KCNQ5: variants seen among roughly 807,000 people sequenced by gnomAD.
The protein encoded by KCNQ5 is potassium voltage-gated channel subfamily Q member 5, also known as potassium voltage-gated channel subfamily KQT member 5.
KCNQ5 carries 30 observed loss-of-function variants against 98.2 expected under a neutral mutation model. That is an observed-to-expected ratio of 0.31 (90% CI 0.23 to 0.41). The LOEUF is 0.41. Ranked by LOEUF, KCNQ5 falls within the 10% of genes least tolerant of loss-of-function variation. The probability of loss-of-function intolerance (pLI) is 1.00; values close to 1 mark genes in which losing one functional copy is unlikely to be tolerated. For missense variants in KCNQ5, 835 were observed against 1,182.5 expected (o/e 0.71, Z 4.31); for synonymous variants, 458 against 449.4 (o/e 1.02, Z -0.24).
chr6:72,753,949 T>A (rs1771823563), intron 1 of KCNQ5, among the ~76,000 whole-genome samples: 2 of 151,924 alleles, frequency 1.3e-5, no homozygotes, highest in Non-Finnish European at 2.9e-5. Context: ...ATTTTCTACA[T>A]AGACAATCAT....
At chr6:73,172,574 G>A (rs1414435435) in intron 11 of KCNQ5, among the ~76,000 whole-genome samples, 1 of 152,068 alleles carries the variant, frequency 6.6e-6, no homozygotes, top group African/African-American at 2.4e-5. Context: ...TATGCAGAAG[G>A]GTTCTTTTCC....
intron 1 of KCNQ5, among the ~76,000 whole-genome samples, chr6:72,889,819 A>G (rs1778990326): frequency 6.6e-6 from 1 of 152,364 alleles, no homozygotes; most frequent in East Asian, 1.9e-4. Flanking sequence ...GCATGTACCT[A>G]GAAAACATGT....
chr6:73,141,090 G>A (rs542259741), intron 10 of KCNQ5, among the ~76,000 whole-genome samples: 2 of 152,330 alleles, frequency 1.3e-5, no homozygotes, highest in East Asian at 3.9e-4. Context: ...AAACTAGGCA[G>A]CCTATAAACA....
At chr6:72,830,137 T>A (rs1047825025) in intron 1 of KCNQ5, among the ~76,000 whole-genome samples, 1 of 152,012 alleles carries the variant, frequency 6.6e-6, no homozygotes, top group Non-Finnish European at 1.5e-5. Flanking sequence ...AGAATCAATA[T>A]CGTGAAAATG....
intron 1 of KCNQ5, among the ~76,000 whole-genome samples, chr6:72,670,123 A>C (rs1348431006): frequency 6.6e-6 from 1 of 152,194 alleles, no homozygotes; most frequent in Non-Finnish European, 1.5e-5. Flanking sequence ...ACTAAAGGAC[A>C]ATTCAGGCAA....
chr6:72,916,491 T>G (rs1780143767), intron 1 of KCNQ5, among the ~76,000 whole-genome samples: 1 of 152,152 alleles, frequency 6.6e-6, no homozygotes, highest in Non-Finnish European at 1.5e-5. Flanking sequence ...AGATGACAAC[T>G]CACTTCACTC....
chr6:72,666,915 A>G (rs1332688214), intron 1 of KCNQ5, among the ~76,000 whole-genome samples: 1 of 152,230 alleles, frequency 6.6e-6, no homozygotes, highest in Admixed American at 6.5e-5. Context: ...TTACAATTAC[A>G]TGTTCCATTG....
intron 5 of KCNQ5, among the ~76,000 whole-genome samples, chr6:73,087,103 T>A (rs963691978): frequency 7.9e-5 from 12 of 152,122 alleles, no homozygotes; most frequent in Non-Finnish European, 7.3e-5. Context: ...AAGGATTTTT[T>A]AGATGGAAAT....
intron 10 of KCNQ5, among the ~76,000 whole-genome samples, chr6:73,148,901 G>A (rs550077917): frequency 1.5e-3 from 222 of 152,302 alleles, no homozygotes; most frequent in Admixed American, 3.5e-3. Context: ...TCCTAGGGAA[G>A]CACTGAGAAG....
intron 1 of KCNQ5, among the ~76,000 whole-genome samples, chr6:72,763,020 G>A (rs1166637287): frequency 4.0e-5 from 6 of 151,680 alleles, no homozygotes; most frequent in Non-Finnish European, 1.5e-5. Context: ...ATCCAGAATC[G>A]GATGTTTTCA....
At chr6:72,971,566 A>G (rs186913879) in intron 1 of KCNQ5, among the ~76,000 whole-genome samples, 14 of 152,326 alleles carry the variant, frequency 9.2e-5, no homozygotes, top group African/African-American at 3.4e-4. Context: ...CTGCAGCACT[A>G]TTCACAATAG....
chr6:73,114,240 T>G (rs550235289), intron 7 of KCNQ5, among the ~76,000 whole-genome samples: 1 of 152,310 alleles, frequency 6.6e-6, no homozygotes, highest in South Asian at 2.1e-4. Context: ...CATTTAATCA[T>G]CCTTTCACCT....
intron 3 of KCNQ5, among the ~76,000 whole-genome samples, chr6:73,058,999 G>A (rs932048159): frequency 5.3e-5 from 8 of 152,194 alleles, no homozygotes; most frequent in African/African-American, 7.2e-5. Context: ...GTGGAAAGCC[G>A]TTTGGCAATT....
chr6:72,637,610 C>T (rs1302976725), intron 1 of KCNQ5, among the ~76,000 whole-genome samples: 1 of 152,110 alleles, frequency 6.6e-6, no homozygotes, highest in East Asian at 1.9e-4. Context: ...AGACTACATA[C>T]TTCAAATGGA....
At chr6:72,796,917 G>C (rs1439269835) in intron 1 of KCNQ5, among the ~76,000 whole-genome samples, 1 of 152,150 alleles carries the variant, frequency 6.6e-6, no homozygotes, top group Non-Finnish European at 1.5e-5. Context: ...AATATAATGA[G>C]ATTATTCTCA....
intron 1 of KCNQ5, among the ~76,000 whole-genome samples, chr6:72,717,709 A>C (rs1045816054): frequency 5.9e-5 from 9 of 152,198 alleles, no homozygotes; most frequent in Admixed American, 4.6e-4. Context: ...ATTAGTTTAG[A>C]ATCGCTCTCC....
intron 1 of KCNQ5, among the ~76,000 whole-genome samples, chr6:72,857,742 C>T (rs1471950089): frequency 2.0e-5 from 3 of 152,162 alleles, no homozygotes; most frequent in Non-Finnish European, 4.4e-5. Flanking sequence ...GATGTTACAT[C>T]ACATACTGAT....
At position 73,003,983 on chromosome 6, in the gene KCNQ5, T is replaced by C. The variant is rs1195298624; in HGVS notation, c.474T>C (p.Ser158=). 1 of 1,605,248 alleles carries C rather than the reference T, an allele frequency of 6.2e-7. No individual in the cohort carries two copies. Among genetic ancestry groups the C allele is most frequent in the South Asian group, 1.1e-5 (1 of 90,792 alleles). Residue 158 remains serine, a synonymous_variant, in exon 2 of 14, where the codon AGT becomes AGC. Coordinates refer to ENST00000370398, the MANE Select transcript of KCNQ5 (RefSeq NM_019842.4). ...TIPEHTKLAS[S]CLLILEFVMI... is the part of the protein sequence containing the mutation. ...CTGAGCACACAAAATTGGCCTCAAG[T>C]TGCCTCTTGATCCTGGTAAGTGAAA... is the stretch of plus-strand genomic sequence containing the variant.
chr6:73,037,602 T>C (rs1381332193), intron 2 of KCNQ5, among the ~76,000 whole-genome samples: 1 of 152,154 alleles, frequency 6.6e-6, no homozygotes, highest in African/African-American at 2.4e-5. Context: ...TCCAGCATCA[T>C]TTGTTGAGGG....
Sources: allele counts gnomAD v4.1 joint callset (sites outside exome capture counted in the v4.1 genomes callset), GRCh38; gene constraint gnomAD v4.1.1; transcripts MANE v1.5; gene names NCBI Gene and HGNC (gene_info 2026-07-23, HGNC 2026-07-21).